TNC: variants seen among roughly 807,000 people sequenced by gnomAD.
TNC encodes the protein tenascin.
In TNC, 109 loss-of-function variants were observed where a neutral mutation model predicts 202.4. The ratio of observed to expected loss-of-function variants is 0.54; its 90% CI spans 0.46 to 0.63. TNC has a LOEUF of 0.63. TNC is among the 30% of genes least tolerant of loss of function. The pLI is 0.00. For synonymous variants in TNC, 1,007 were observed against 1,089.7 expected, an observed-to-expected ratio of 0.92 and a Z score of 1.50; for missense variants, 2,756 against 2,833.3, an observed-to-expected ratio of 0.97 and a Z score of 0.62.
rs1383473918 is a variant in TNC, at chr9:115,021,232, G to T, written c.6531C>A (p.His2177Gln). ...GCTTCATCTCAGCAAACTGGATTGA[G>T]TGTTCGTGGCCCTTCCAGTGGAACC... ...VNWFHWKGHE[H>Q]SIQFAEMKLR... is the part of the protein sequence containing the mutation. The change falls in exon 28 of 28, where the codon CAC becomes CAA. Residue 2177 changes from histidine (H) to glutamine (Q), a missense_variant. Around this residue, in one of 2 missense-constraint regions of TNC, gnomAD observed 197 missense variants for 287.3 expected, o/e 0.69. Coordinates refer to ENST00000350763, the MANE Select transcript of TNC (RefSeq NM_002160.4). The T allele has an allele frequency of 6.2e-7, 1 of 1,613,514 alleles. No homozygotes were observed. The highest frequency in any genetic ancestry group is 1.1e-5 in the South Asian group (1 of 91,058).
At chr9:115,115,662 TCTTA>T (rs1354998920) in intron 1 of TNC, among the ~76,000 whole-genome samples, 1 of 152,214 alleles carries the variant, frequency 6.6e-6, no homozygotes, top group Admixed American at 6.5e-5. Context: ...GTGGACTTGC[TCTTA>T]CTTCTGCTAC....
Position 115,021,049 on chromosome 9 carries a change from CA to C in TNC, c.*107del. The C allele has an allele frequency of 1.1e-6, 1 of 879,600 alleles. No individual in the cohort carries two copies. The highest frequency in any genetic ancestry group is 1.7e-5 in the South Asian group (1 of 59,072). The allele number at this position is 879,600 out of a possible 1,614,324, so 54.5% of individuals were successfully genotyped here. A position where few individuals can be genotyped will look rare whatever the true frequency, so the allele number is the denominator to read the frequency against. ...ATCCATGGTCAGCTTTGACTCTCAC[CA>C]AATGCCCAGGTGTGGACCGATGGTT... is the stretch of plus-strand genomic sequence containing the variant. On this transcript the variant is annotated 3_prime_UTR_variant, in exon 28 of 28. Transcript: ENST00000350763.
intron 3 of TNC, among the ~76,000 whole-genome samples, chr9:115,084,733 G>A (rs527238956): frequency 6.6e-6 from 1 of 152,246 alleles, no homozygotes; most frequent in African/African-American, 2.4e-5. Flanking sequence ...CCAACTTTCT[G>A]TGCTTCCTGG....
Position 115,038,183 on chromosome 9 carries a change from G to C in TNC, c.5512+78C>G, listed in dbSNP as rs1830471955. ...TTATCATCCTGTACCAAATGTGGCA[G>C]GGAGAAGAGCGAATGGGAAGAGTTT... On this transcript the variant is annotated intron_variant, in intron 20 of 27. Transcript: ENST00000350763. The C allele has an allele frequency of 8.4e-6, 13 of 1,541,170 alleles. No homozygotes were observed. The South Asian group carries it at 1.6e-4, about 19-fold the overall frequency.
At position 115,038,332 on chromosome 9, in the gene TNC, T is replaced by G. The variant is rs1411707079; in HGVS notation, c.5441A>C (p.Glu1814Ala). The G allele has an allele frequency of 6.2e-7, 1 of 1,614,168 alleles. No homozygotes were observed. The highest frequency in any genetic ancestry group is 1.7e-5 in the Admixed American group (1 of 60,024). ...GLVTANITDS[E>A]ALARWQPAIA... ...GGCTGGCTGCCACCTGGCCAAGGCT[T>G]CTGAGTCAGTGATGTTGGCTGTCAC... Residue 1814 changes from glutamate (E) to alanine (A), a missense_variant, in exon 20 of 28, where the codon GAA (glutamate) becomes GCA (alanine). Glu to Ala is a moderately radical substitution (Grantham distance 107). Transcript: ENST00000350763.
Position 115,077,934 on chromosome 9 carries a change from G to T in TNC, c.2674+9C>A, listed in dbSNP as rs1203089948. 3.1e-6 allele frequency: 5 copies of T among 1,611,974 alleles called. No homozygotes were observed. Among genetic ancestry groups the T allele is most frequent in the Non-Finnish European group, 4.2e-6 (5 of 1,178,442 alleles). On this transcript the variant is annotated intron_variant, in intron 7 of 27. Coordinates refer to ENST00000350763, the MANE Select transcript of TNC (RefSeq NM_002160.4). ...TTACTATATCTGTTAACAGGGGGAG[G>T]CCTTTTACCTGTTGTGAAGGTCTCT...
chr9:115,030,266 C>A lies in TNC; in HGVS notation c.6060G>T (p.Gly2020=). ...LEVFCDMTSD[G]GGWIVFLRRK... is the part of the protein sequence containing the mutation. ...TGGTGGTACTCACAATCCATCCACC[C>A]CCATCAGAGGTCATGTCACAGAAGA... Residue 2020 remains glycine, a synonymous_variant, in exon 24 of 28, where the codon GGG becomes GGT. Coordinates refer to ENST00000350763, the MANE Select transcript of TNC (RefSeq NM_002160.4). The A allele has an allele frequency of 6.2e-7, 1 of 1,611,206 alleles. No homozygotes were observed.
chr9:115,021,714 A>G (rs1376036285), intron 27 of TNC, among the ~76,000 whole-genome samples: 2 of 152,218 alleles, frequency 1.3e-5, no homozygotes, highest in East Asian at 3.8e-4. Context: ...GGTATGGAAT[A>G]GCAGAACGAA....
At chr9:115,049,212 A>G (rs1172354404) in intron 15 of TNC, among the ~76,000 whole-genome samples, 1 of 152,156 alleles carries the variant, frequency 6.6e-6, no homozygotes, top group Non-Finnish European at 1.5e-5. Context: ...TTCTGTCACC[A>G]TCTCTCCTTC....
At chr9:115,053,316 A>AG (rs1370459681) in intron 15 of TNC, among the ~76,000 whole-genome samples, 1 of 152,200 alleles carries the variant, frequency 6.6e-6, no homozygotes, top group Non-Finnish European at 1.5e-5. Flanking sequence ...AAGCCATTAG[A>AG]GTGGTAGATT....
intron 17 of TNC, among the ~76,000 whole-genome samples, chr9:115,043,195 A>G (rs928987056): frequency 1.3e-5 from 2 of 152,128 alleles, no homozygotes; most frequent in African/African-American, 4.8e-5. Flanking sequence ...GCTCTAGGGA[A>G]CTCACTTCCT....
At chr9:115,077,846 C>T (rs956877479) in intron 7 of TNC, 97 bp downstream of exon 7, 10 of 1,291,886 alleles carry the variant, frequency 7.7e-6, no homozygotes, top group Non-Finnish European at 9.6e-6. Flanking sequence ...ATTTTTCGTA[C>T]TGTAAAATGA....
chr9:115,069,602 C>T (rs78580914), intron 10 of TNC, among the ~76,000 whole-genome samples: 6,024 of 25,284 alleles, frequency 0.24, 653 homozygotes, highest in African/African-American at 0.37. Context: ...TTCCCTTCCT[C>T]CCTCCCTCCC....
In TNC at chr9:115,090,883, G is replaced by T. The variant is rs1433768485; in HGVS notation, c.136C>A (p.Gln46Lys). 2 of 1,614,078 alleles carry T rather than the reference G, an allele frequency of 1.2e-6. No homozygotes were observed. The highest frequency in any genetic ancestry group is 2.7e-5 in the African/African-American group (2 of 74,922). Residue 46 changes from glutamine to lysine, a missense_variant, in exon 2 of 28, where the codon CAG becomes AAG. This residue lies in a region of TNC where 2,559 missense variants were observed against 2,546.0 expected (regional missense o/e 1.01). Transcript: ENST00000350763. ...GVNATLPEEN[Q>K]PVVFNHVYNI... ...TAAACGTGGTTAAACACCACTGGCTGGTTCTCTTCTGGCAGGGTGGCGTTC... is the reference window on the plus strand; with the variant it reads ...TAAACGTGGTTAAACACCACTGGCTTGTTCTCTTCTGGCAGGGTGGCGTTC...
At chr9:115,024,745 A>G (rs1376602433) in intron 26 of TNC, among the ~76,000 whole-genome samples, 1 of 152,238 alleles carries the variant, frequency 6.6e-6, no homozygotes, top group African/African-American at 2.4e-5. Context: ...TACTTTTTAA[A>G]GTATTCATCA....
chr9:115,110,716 A>T lies in TNC; in HGVS notation c.-137+7266T>A, dbSNP rs181602695. On this transcript the variant is annotated intron_variant, in intron 1 of 27. Coordinates refer to ENST00000350763, the MANE Select transcript of TNC (RefSeq NM_002160.4). Reference sequence around the variant, plus strand: ...CACTGACTGTCTTGCTTTAGAATAAAATACATTTGGAATCATTGCCGTGAA... The same window carrying T: ...CACTGACTGTCTTGCTTTAGAATAATATACATTTGGAATCATTGCCGTGAA... Among the ~76,000 whole-genome samples the T allele has an allele frequency of 6.6e-4, 100 of 152,348 alleles. No homozygotes were observed. In the Middle Eastern group the frequency reaches 0.01, roughly 16 times the overall value.
chr9:115,052,946 G>C (rs1346582986), intron 15 of TNC: 1 of 702,708 alleles, frequency 1.4e-6, no homozygotes, highest in Admixed American at 2.0e-5. Context: ...AGCTTGAGTG[G>C]TCCATGACAT....
Position 115,029,431 on chromosome 9 carries a change from C to T in TNC, c.6098G>A (p.Arg2033His), listed in dbSNP as rs112853515. The T allele has an allele frequency of 9.0e-5, 146 of 1,614,126 alleles. No homozygotes were observed. The Middle Eastern group carries it at 2.1e-3, about 24-fold the overall frequency. ...CTTCCAGTTTTGGTAGAAGTTCTCG[C>T]GTCCGTTTTTGCGTCTCAGGAACAC... ...WIVFLRRKNG[R>H]ENFYQNWKAY... Residue 2033 changes from arginine (R) to histidine (H), a missense_variant, in exon 25 of 28, where the codon CGC becomes CAC. By Grantham distance (29) the Arg-to-His change is conservative. Coordinates refer to ENST00000350763, the MANE Select transcript of TNC (RefSeq NM_002160.4).
chr9:115,114,161 C>T (rs372520499), intron 1 of TNC, among the ~76,000 whole-genome samples: 18 of 152,158 alleles, frequency 1.2e-4, no homozygotes, highest in South Asian at 2.1e-4. Context: ...TGGAAGGGAG[C>T]CTTCATCTAA....
Sources: allele counts gnomAD v4.1 joint callset (sites outside exome capture counted in the v4.1 genomes callset), GRCh38; gene constraint gnomAD v4.1.1; regional missense constraint gnomAD v4.1.1; transcripts MANE v1.5; gene names NCBI Gene and HGNC (gene_info 2026-07-23, HGNC 2026-07-21).